Variants in PBLD observed in about 807,000 individuals in gnomAD.
The protein encoded by PBLD is phenazine biosynthesis-like domain-containing protein.
In PBLD, 26 loss-of-function variants were observed where a neutral mutation model predicts 31.3. That is an observed-to-expected ratio of 0.83 (90% confidence interval 0.61 to 1.15). The LOEUF (loss-of-function observed/expected upper bound fraction) is 1.15, where lower values mean the gene tolerates loss of function less well. Ranked by LOEUF, PBLD falls within the 50% of genes most tolerant of loss-of-function variation. The pLI is 0.00. For synonymous variants in PBLD, 114 were observed against 129.0 expected (o/e 0.88, Z 0.79); for missense variants, 307 against 351.7 (o/e 0.87, Z 1.02).
intron 1 of PBLD, among the ~76,000 whole-genome samples, chr10:68,314,684 G>A (rs1469318708): frequency 2.0e-5 from 3 of 151,476 alleles, no homozygotes; most frequent in Non-Finnish European, 4.4e-5. Flanking sequence ...TGCAACTTCC[G>A]CCTCCCAGGT....
At chr10:68,296,862 T>C in intron 3 of PBLD, 24 bp downstream of exon 3, 3 of 1,212,102 alleles carry the variant, frequency 2.5e-6, no homozygotes, top group East Asian at 2.7e-5. Context: ...GAACAGTTCT[T>C]AAAAAAAAAA....
rs2044655702 is a variant in PBLD at position 68,310,753 on chromosome 10, A to T, written c.-59-3850T>A. On this transcript the variant is annotated intron_variant, in intron 1 of 9. Transcript: ENST00000358769. Reference sequence around the variant, plus strand: ...ACTTAGCATAATGCCTTCCAGGTTCACCCATGTTGATGCAAATGATGGGAA... The same window carrying T: ...ACTTAGCATAATGCCTTCCAGGTTCTCCCATGTTGATGCAAATGATGGGAA... 1.3e-5 allele frequency among the ~76,000 whole-genome samples: 2 copies of T among 150,136 alleles called. 1 individual carries two copies. The highest frequency in any genetic ancestry group is 1.4e-4 in the Admixed American group (2 of 14,788).
At chr10:68,324,807 G>T (rs533722458) in intron 1 of PBLD, among the ~76,000 whole-genome samples, 1 of 151,438 alleles carries the variant, frequency 6.6e-6, no homozygotes, top group South Asian at 2.1e-4. Context: ...GTACAGACAG[G>T]GTCTCACCAT....
chr10:68,306,352 C>T (rs1192149781), intron 2 of PBLD, among the ~76,000 whole-genome samples: 2 of 152,072 alleles, frequency 1.3e-5, no homozygotes, highest in East Asian at 3.8e-4. Context: ...TTTCTAATTG[C>T]CTGAGCTATA....
chr10:68,324,699 C>T (rs1235272721), intron 1 of PBLD, among the ~76,000 whole-genome samples: 1 of 151,902 alleles, frequency 6.6e-6, no homozygotes, highest in Non-Finnish European at 1.5e-5. Flanking sequence ...ACCACAACCT[C>T]TGCCTCACAG....
chr10:68,300,992 G>T (rs1197802884), intron 2 of PBLD, among the ~76,000 whole-genome samples: 1 of 152,084 alleles, frequency 6.6e-6, no homozygotes, highest in Non-Finnish European at 1.5e-5. Flanking sequence ...TGCCTCCCAG[G>T]TTCAAGTGAT....
At chr10:68,322,055 A>C (rs1374738136) in intron 1 of PBLD, among the ~76,000 whole-genome samples, 1 of 152,212 alleles carries the variant, frequency 6.6e-6, no homozygotes, top group African/African-American at 2.4e-5. Flanking sequence ...GAGTAACTTT[A>C]CAGTGGAGAA....
Position 68,306,899 on chromosome 10 carries a change from GTCT to G in PBLD, c.-58_-56del. On this transcript the variant is annotated splice_region_variant and 5_prime_UTR_variant, in exon 2 of 10. Transcript: ENST00000358769. ...CAAAATTGCTGGTAGCCTGCTTTAC[GTCT>G]TCTTCTTGGAAAAGGAAATCAAAAA... 3 of 1,373,700 alleles carry G rather than the reference GTCT, an allele frequency of 2.2e-6. No individual in the cohort carries two copies. The South Asian group carries it at 3.7e-5, about 17-fold the overall frequency. 85.1% of individuals were successfully genotyped at this position (1,373,700 alleles called of 1,614,324 possible). A position where few individuals can be genotyped will look rare whatever the true frequency, so the allele number is the denominator to read the frequency against.
intron 1 of PBLD, among the ~76,000 whole-genome samples, chr10:68,326,011 C>A (rs946537672): frequency 6.6e-6 from 1 of 151,030 alleles, no homozygotes; most frequent in Non-Finnish European, 1.5e-5. Context: ...ACTTTATGTA[C>A]GTGCATTTTT....
intron 1 of PBLD, among the ~76,000 whole-genome samples, chr10:68,307,490 T>TTTTTG (rs889978053): frequency 5.3e-5 from 8 of 151,798 alleles, no homozygotes; most frequent in South Asian, 2.1e-4. Context: ...TAGGATCTGT[T>TTTTTG]TTTTGTTTTG....
At chr10:68,300,269 T>A (rs2044488416) in intron 2 of PBLD, among the ~76,000 whole-genome samples, 1 of 152,150 alleles carries the variant, frequency 6.6e-6, no homozygotes. Flanking sequence ...ACGTAGTAGG[T>A]ACTTGATACA....
chr10:68,284,292 A>G lies in PBLD; in HGVS notation c.755-3T>C. ...TCCTCGGTGGGAACACTGAAAAGCT[A>G]AAGAAAACAAACAGGTCAAATTAAG... On this transcript the variant is annotated splice_region_variant and splice_polypyrimidine_tract_variant and intron_variant, in intron 9 of 9. Transcript: ENST00000358769. The G allele has an allele frequency of 6.2e-7, 1 of 1,608,254 alleles. No homozygotes were observed. Among genetic ancestry groups the G allele is most frequent in the Middle Eastern group, 1.7e-4 (1 of 6,054 alleles).
intron 1 of PBLD, among the ~76,000 whole-genome samples, chr10:68,308,605 A>G (rs10762215): frequency 0.78 from 116,075 of 149,620 alleles, 46,826 homozygotes; most frequent in Non-Finnish European, 0.85. Context: ...CTGGATTGCA[A>G]TGGCACAATC....
chr10:68,284,653 G>A (rs1280363836), intron 9 of PBLD, among the ~76,000 whole-genome samples: 1 of 152,178 alleles, frequency 6.6e-6, no homozygotes, highest in Non-Finnish European at 1.5e-5. Context: ...ATAACTCTAG[G>A]AAGATGAAGA....
chr10:68,284,244 C>G lies in PBLD; in HGVS notation c.800G>C (p.Arg267Pro), dbSNP rs750653074. ...TCTAATGTCAACCCTTCCGTCTGGACGAAGGGAAATTCCCAGCTCTCCTCC... is the reference window on the plus strand; with the variant it reads ...TCTAATGTCAACCCTTCCGTCTGGAGGAAGGGAAATTCCCAGCTCTCCTCC... ...HRGGELGISLRPDGRVDIRGG... is the reference protein window; with the variant it reads ...HRGGELGISLPPDGRVDIRGG... The change falls in exon 10 of 10, where the codon CGT becomes CCT. Residue 267 changes from arginine (R) to proline (P), a missense_variant. By Grantham distance (103) the Arg-to-Pro change is moderately radical. Coordinates refer to ENST00000358769, the MANE Select transcript of PBLD (RefSeq NM_022129.4). The G allele has an allele frequency of 6.2e-7, 1 of 1,613,872 alleles. No homozygotes were observed. Among genetic ancestry groups the G allele is most frequent in the Non-Finnish European group, 8.5e-7 (1 of 1,179,974 alleles).
chr10:68,295,258 CAA>C (rs2044409177), intron 4 of PBLD, among the ~76,000 whole-genome samples: 1 of 151,952 alleles, frequency 6.6e-6, no homozygotes, highest in African/African-American at 2.4e-5. Context: ...TTTGGGAGGC[CAA>C]GGTGGGCAGA....
At chr10:68,324,193 T>C (rs1420168630) in intron 1 of PBLD, among the ~76,000 whole-genome samples, 3 of 152,006 alleles carry the variant, frequency 2.0e-5, no homozygotes, top group African/African-American at 7.2e-5. Context: ...ACCACAGGTG[T>C]GCGCCACCAT....
At chr10:68,330,912 T>C (rs896611054) in intron 1 of PBLD, among the ~76,000 whole-genome samples, 3 of 152,164 alleles carry the variant, frequency 2.0e-5, no homozygotes, top group African/African-American at 7.2e-5. Flanking sequence ...TGGAGTGCAC[T>C]GGCGCAATCA....
chr10:68,283,799 G>T lies in PBLD; in HGVS notation c.*378C>A. 5.1e-6 allele frequency: 1 copy of T among 196,320 alleles called. No homozygotes were observed. The highest frequency in any genetic ancestry group is 9.4e-5 in the South Asian group (1 of 10,652). 12.2% of individuals were successfully genotyped at this position (196,320 alleles called of 1,614,324 possible). On this transcript the variant is annotated 3_prime_UTR_variant, in exon 10 of 10. Coordinates refer to ENST00000358769, the MANE Select transcript of PBLD (RefSeq NM_022129.4). ...CTTACTCTGTTGCCCAGGCTGGAGT[G>T]CAGTGGTGTGATCTCTGCTCACTGC...
Sources: allele counts gnomAD v4.1 joint callset (sites outside exome capture counted in the v4.1 genomes callset), GRCh38; gene constraint gnomAD v4.1.1; transcripts MANE v1.5; gene names NCBI Gene and HGNC (gene_info 2026-07-23, HGNC 2026-07-21).